FAXC: variants seen among roughly 807,000 people sequenced by gnomAD.
FAXC encodes the protein failed axon connections homolog.
Under a neutral mutation model 41.9 loss-of-function variants are expected in FAXC, and 10 were observed. The observed-to-expected ratio is 0.24, with a 90% CI of 0.15 to 0.41. The LOEUF (loss-of-function observed/expected upper bound fraction) is 0.41, where lower values mean the gene tolerates loss of function less well. FAXC is among the 10% of genes least tolerant of loss of function. The probability of loss-of-function intolerance (pLI) is 1.00; values close to 1 mark genes in which losing one functional copy is unlikely to be tolerated. For missense variants in FAXC, 399 were observed against 510.9 expected, an observed-to-expected ratio of 0.78 and a Z score of 2.11; for synonymous variants, 183 against 183.8, an observed-to-expected ratio of 1.00 and a Z score of 0.03.
rs1770452026 is a variant in FAXC at position 99,272,565 on chromosome 6, C to T, written c.*8599G>A. ...TCAACATGTGCTCCCAGCTCTCCCT[C>T]TCCTCCTTGTCTTCTCTCTACCAGT... On this transcript the variant is annotated 3_prime_UTR_variant, in exon 6 of 6. Coordinates refer to ENST00000389677, the MANE Select transcript of FAXC (RefSeq NM_032511.4). The T allele has an allele frequency of 6.6e-6, 1 of 152,258 alleles. No individual in the cohort carries two copies. The highest frequency in any genetic ancestry group is 2.4e-5 in the African/African-American group (1 of 41,458). 9.4% of individuals were successfully genotyped at this position (152,258 alleles called of 1,614,324 possible). A position where few individuals can be genotyped will look rare whatever the true frequency, so the allele number is the denominator to read the frequency against.
intron 4 of FAXC, among the ~76,000 whole-genome samples, chr6:99,294,309 C>A (rs980375012): frequency 1.3e-5 from 2 of 152,228 alleles, no homozygotes; most frequent in African/African-American, 2.4e-5. Flanking sequence ...CCCGCTGGCG[C>A]CATGCCTCCA....
At chr6:99,305,291 T>A (rs1199192448) in intron 4 of FAXC, among the ~76,000 whole-genome samples, 2 of 152,050 alleles carry the variant, frequency 1.3e-5, no homozygotes, top group Non-Finnish European at 2.9e-5. Flanking sequence ...AGACATGAGG[T>A]GTTTCTACCA....
chr6:99,331,833 C>T (rs1025543269), intron 3 of FAXC, among the ~76,000 whole-genome samples: 1 of 152,214 alleles, frequency 6.6e-6, no homozygotes, highest in Non-Finnish European at 1.5e-5. Context: ...GTGTGATGGG[C>T]TCTTCGCAAG....
chr6:99,333,693 AC>A, intron 2 of FAXC, 146 bp from the exon 3 acceptor site: 1 of 657,404 alleles, frequency 1.5e-6, no homozygotes, highest in Non-Finnish European at 2.5e-6. Context: ...ACTCCTTAAG[AC>A]AATACATGGT....
chr6:99,302,759 G>A (rs1180092037), intron 4 of FAXC, among the ~76,000 whole-genome samples: 1 of 152,146 alleles, frequency 6.6e-6, no homozygotes, highest in Non-Finnish European at 1.5e-5. Context: ...AGGGGTCACT[G>A]TGATCCATTT....
chr6:99,289,519 G>A (rs748766711), intron 5 of FAXC, among the ~76,000 whole-genome samples: 6 of 152,016 alleles, frequency 3.9e-5, no homozygotes, highest in Non-Finnish European at 8.8e-5. Context: ...AGCTGGACAT[G>A]ATGTCTCACT....
chr6:99,278,419 A>G lies in FAXC; in HGVS notation c.*2745T>C, dbSNP rs1379944260. On this transcript the variant is annotated 3_prime_UTR_variant, in exon 6 of 6. Transcript: ENST00000389677. ...AGCATCTGTTAACATTAAAGATCAC[A>G]TACTTCAAGTTACCTTCCAGCAAAA... 6.6e-6 allele frequency: 1 copy of G among 152,238 alleles called. No homozygotes were observed. Among genetic ancestry groups the G allele is most frequent in the African/African-American group, 2.4e-5 (1 of 41,466 alleles). The allele number at this position is 152,238 out of a possible 1,614,324, so 9.4% of individuals were successfully genotyped here. A position where few individuals can be genotyped will look rare whatever the true frequency, so the allele number is the denominator to read the frequency against.
chr6:99,313,196 G>A (rs1772213674), intron 4 of FAXC, among the ~76,000 whole-genome samples: 1 of 152,218 alleles, frequency 6.6e-6, no homozygotes, highest in Non-Finnish European at 1.5e-5. Context: ...GGGACGATGA[G>A]GCAGAAGGAT....
At chr6:99,297,372 G>C (rs997247790) in intron 4 of FAXC, among the ~76,000 whole-genome samples, 1 of 152,170 alleles carries the variant, frequency 6.6e-6, no homozygotes, top group Admixed American at 6.5e-5. Flanking sequence ...TGTCCAGGGA[G>C]AATGGAAGCA....
intron 4 of FAXC, among the ~76,000 whole-genome samples, chr6:99,313,556 G>A (rs901040448): frequency 1.3e-5 from 2 of 152,004 alleles, no homozygotes; most frequent in Non-Finnish European, 2.9e-5. Flanking sequence ...TTTTTCTCAT[G>A]TCATCAAGCA....
chr6:99,296,276 G>A (rs1196074583), intron 4 of FAXC, among the ~76,000 whole-genome samples: 2 of 89,702 alleles, frequency 2.2e-5, no homozygotes, highest in African/African-American at 4.9e-5. Context: ...TGGATCTCAC[G>A]ACCAGGGGGT....
At chr6:99,344,415 C>T (rs560848659) in intron 1 of FAXC, among the ~76,000 whole-genome samples, 1 of 152,250 alleles carries the variant, frequency 6.6e-6, no homozygotes, top group East Asian at 1.9e-4. Context: ...CCCAGTACAA[C>T]ACCACACCCC....
chr6:99,312,986 A>G lies in FAXC; in HGVS notation c.823+10458T>C, dbSNP rs1399698652. ...AGAAGTGCCTCATTTTTTAGCTTGC[A>G]TTTCTCTGATATTAAAGAGGTTGAG... On this transcript the variant is annotated intron_variant, in intron 4 of 5. Coordinates refer to ENST00000389677, the MANE Select transcript of FAXC (RefSeq NM_032511.4). 2.6e-5 allele frequency among the ~76,000 whole-genome samples: 4 copies of G among 152,186 alleles called. No homozygotes were observed. In the East Asian group the frequency reaches 5.8e-4, roughly 22 times the overall value.
At chr6:99,284,026 A>C (rs1197519134) in intron 5 of FAXC, 1 of 152,208 alleles carries the variant, frequency 6.6e-6, no homozygotes, top group African/African-American at 2.4e-5. Flanking sequence ...TCAGTATGCA[A>C]TAATAAAAAG....
At chr6:99,343,091 CT>C in intron 1 of FAXC, 58 bp from the exon 2 acceptor site, 1 of 1,513,422 alleles carries the variant, frequency 6.6e-7, no homozygotes, top group Non-Finnish European at 8.9e-7. Flanking sequence ...ATTCGGTTCC[CT>C]TATTTCTTGA....
At chr6:99,314,269 T>G (rs1772251947) in intron 4 of FAXC, among the ~76,000 whole-genome samples, 1 of 152,082 alleles carries the variant, frequency 6.6e-6, no homozygotes, top group African/African-American at 2.4e-5. Context: ...TCACTAAACT[T>G]TCTCAGTTCT....
At chr6:99,307,949 C>A (rs532719606) in intron 4 of FAXC, among the ~76,000 whole-genome samples, 20 of 152,172 alleles carry the variant, frequency 1.3e-4, no homozygotes, top group Admixed American at 1.2e-3. Flanking sequence ...AAAACCTCAA[C>A]ATTCACTGGA....
At chr6:99,285,025 TA>T (rs57078189) in intron 5 of FAXC, among the ~76,000 whole-genome samples, 25 of 148,146 alleles carry the variant, frequency 1.7e-4, no homozygotes, top group Non-Finnish European at 1.9e-4. Context: ...ACTTGACTGG[TA>T]AAAAAAAAAA....
At chr6:99,321,754 G>A (rs982126494) in intron 4 of FAXC, among the ~76,000 whole-genome samples, 1 of 152,238 alleles carries the variant, frequency 6.6e-6, no homozygotes, top group Non-Finnish European at 1.5e-5. Context: ...AGAAACAATT[G>A]TCAGTTACCA....
Sources: allele counts gnomAD v4.1 joint callset (sites outside exome capture counted in the v4.1 genomes callset), GRCh38; gene constraint gnomAD v4.1.1; transcripts MANE v1.5; gene names NCBI Gene and HGNC (gene_info 2026-07-23, HGNC 2026-07-21).